Variants in NTAQ1 observed in about 807,000 individuals in gnomAD.
NTAQ1 encodes the protein N-terminal glutamine amidase 1.
Under a neutral mutation model 28.2 loss-of-function variants are expected in NTAQ1, and 21 were observed. The observed-to-expected ratio is 0.74, with a 90% confidence interval of 0.53 to 1.07. NTAQ1 has a LOEUF of 1.07. NTAQ1 is among the 50% of genes least tolerant of loss of function. NTAQ1 has a pLI of 0.00. For synonymous variants in NTAQ1, 105 were observed against 90.0 expected (o/e 1.17, Z -0.94); for missense variants, 264 against 256.6 (o/e 1.03, Z -0.20).
At chr8:123,433,164 G>A (rs1362223202) in intron 3 of NTAQ1, among the ~76,000 whole-genome samples, 2 of 152,214 alleles carry the variant, frequency 1.3e-5, no homozygotes, top group Non-Finnish European at 2.9e-5. Flanking sequence ...CGCTGCTCAA[G>A]CCTGCATTCC....
chr8:123,418,161 G>A (rs544216277), intron 1 of NTAQ1, among the ~76,000 whole-genome samples: 2 of 152,232 alleles, frequency 1.3e-5, no homozygotes, highest in African/African-American at 2.4e-5. Flanking sequence ...TGAGAGAAAA[G>A]CAGATAAGGC....
At chr8:123,448,552 G>T (rs183876645), downstream of NTAQ1, among the ~76,000 whole-genome samples, 1 of 152,346 alleles carries the variant, frequency 6.6e-6, no homozygotes, top group East Asian at 1.9e-4. Flanking sequence ...CCGGGAGGTG[G>T]AGGTTGCAGT....
At chr8:123,419,745 T>TCCCTCTCTCCCC (rs1813554148) in intron 1 of NTAQ1, among the ~76,000 whole-genome samples, 2 of 32,246 alleles carry the variant, frequency 6.2e-5, no homozygotes, top group Admixed American at 5.9e-4. Flanking sequence ...CCTCCCTCCC[T>TCCCTCTCTCCCC]CCCTCCCTCC....
At chr8:123,455,769 C>T (rs917896688) in intron 6 of NTAQ1, among the ~76,000 whole-genome samples, 7 of 152,082 alleles carry the variant, frequency 4.6e-5, no homozygotes, top group African/African-American at 9.7e-5. Flanking sequence ...CTTCCCCACC[C>T]GGAAGTCTAC....
At position 123,437,451 on chromosome 8, in the gene NTAQ1, C is replaced by T. The variant is rs1006465592; in HGVS notation, c.508+117C>T. On this transcript the variant is annotated intron_variant, in intron 5 of 5. Transcript: ENST00000287387. ...TTTGAATAAAACTCCATGAGTGAAT[C>T]CCAGCACTTTGGGAGGCCGAGGTGG... 1.6e-5 allele frequency: 23 copies of T among 1,448,008 alleles called. No individual in the cohort carries two copies. The African/African-American group carries it at 3.1e-4, about 20-fold the overall frequency. The allele number at this position is 1,448,008 out of a possible 1,614,324, so 89.7% of individuals were successfully genotyped here.
intron 6 of NTAQ1, among the ~76,000 whole-genome samples, chr8:123,458,652 C>T (rs1191960445): frequency 2.0e-5 from 3 of 150,146 alleles, no homozygotes; most frequent in South Asian, 2.1e-4. Flanking sequence ...ATCGGAGTCT[C>T]GTTCTGTTGC....
intron 1 of NTAQ1, among the ~76,000 whole-genome samples, chr8:123,422,922 T>C (rs1813796029): frequency 6.6e-6 from 1 of 152,204 alleles, no homozygotes; most frequent in Non-Finnish European, 1.5e-5. Flanking sequence ...TTGCTTGTTA[T>C]TGGACTTTGT....
chr8:123,422,389 C>T (rs1287972290), intron 1 of NTAQ1, among the ~76,000 whole-genome samples: 4 of 151,682 alleles, frequency 2.6e-5, no homozygotes, highest in East Asian at 1.9e-4. Flanking sequence ...AATCCTCTCA[C>T]GTCAGCCTCC....
chr8:123,475,283 C>G, the NTAQ1 span, among the ~76,000 whole-genome samples: 2 of 152,108 alleles, frequency 1.3e-5, no homozygotes, highest in African/African-American at 4.8e-5. Context: ...ACTTTTTAAT[C>G]TAGGCTCATC....
chr8:123,433,925 AT>A (rs35940452), intron 3 of NTAQ1, among the ~76,000 whole-genome samples: 52,342 of 148,842 alleles, frequency 0.35, 9,174 homozygotes, highest in South Asian at 0.44. Flanking sequence ...TTTTTTTGTG[AT>A]TTTTTTTTTT....
At chr8:123,464,388 G>T (rs973127847) in intron 6 of NTAQ1, among the ~76,000 whole-genome samples, 4 of 152,182 alleles carry the variant, frequency 2.6e-5, no homozygotes, top group African/African-American at 9.7e-5. Context: ...ATCCATAACA[G>T]CAGGGAAATG....
chr8:123,464,625 T>A (rs963106532), intron 6 of NTAQ1, among the ~76,000 whole-genome samples: 1 of 152,184 alleles, frequency 6.6e-6, no homozygotes, highest in Admixed American at 6.5e-5. Flanking sequence ...ACTTACATAT[T>A]TCCTATGGTT....
intron 6 of NTAQ1, among the ~76,000 whole-genome samples, chr8:123,461,876 G>A (rs1815833273): frequency 6.6e-6 from 1 of 152,174 alleles, no homozygotes; most frequent in African/African-American, 2.4e-5. Flanking sequence ...AGAGTGACTT[G>A]CTTTGGAGGA....
At position 123,434,319 on chromosome 8, in the gene NTAQ1, T is replaced by C. The variant is rs140602360; in HGVS notation, c.235-2134T>C. On this transcript the variant is annotated intron_variant, in intron 3 of 5. Coordinates refer to ENST00000287387, the MANE Select transcript of NTAQ1 (RefSeq NM_018024.3). ...ACAGTCTTTCACATAGAATAGATAA[T>C]GTGTGGTTCAAAAAAACTGATATGG... Among the ~76,000 whole-genome samples the C allele has an allele frequency of 3.1e-3, 466 of 152,194 alleles. 4 individuals are homozygous for C. The highest frequency in any genetic ancestry group is 0.011 in the African/African-American group (444 of 41,542).
intron 1 of NTAQ1, among the ~76,000 whole-genome samples, chr8:123,425,634 G>T (rs2130192330): frequency 6.6e-6 from 1 of 152,278 alleles, no homozygotes; most frequent in East Asian, 1.9e-4. Context: ...TGAACTGAAA[G>T]AGTGTCTACT....
In NTAQ1 at chr8:123,457,054, T is replaced by A. The variant is rs552838062; in HGVS notation, c.373-10025T>A. Among the ~76,000 whole-genome samples, 170 of 152,262 alleles carry A rather than the reference T, an allele frequency of 1.1e-3. 1 individual carries two copies. The highest frequency in any genetic ancestry group is 2.0e-3 in the Non-Finnish European group (137 of 68,016). Reference sequence around the variant, plus strand: ...TGATGGCTTAAAATTTTTTAAAAAATCTATCTATACATATAGATATATATA... The same window carrying A: ...TGATGGCTTAAAATTTTTTAAAAAAACTATCTATACATATAGATATATATA... On this transcript the variant is annotated intron_variant, in intron 6 of 6. Transcript: ENST00000650311.
downstream of NTAQ1, among the ~76,000 whole-genome samples, chr8:123,471,159 G>T (rs1816037564): frequency 6.6e-6 from 1 of 151,694 alleles, no homozygotes; most frequent in Non-Finnish European, 1.5e-5. Context: ...TCGAACTGCT[G>T]GGCTCAATCA....
At chr8:123,462,383 A>G (rs939910280) in intron 6 of NTAQ1, among the ~76,000 whole-genome samples, 1 of 152,088 alleles carries the variant, frequency 6.6e-6, no homozygotes, top group Non-Finnish European at 1.5e-5. Flanking sequence ...AGTTATTATA[A>G]CTTTGTAGAA....
chr8:123,449,971 ATAT>A (rs1164880418), downstream of NTAQ1, among the ~76,000 whole-genome samples: 1,682 of 69,996 alleles, frequency 0.024, 577 homozygotes, highest in East Asian at 0.23. Flanking sequence ...ATATATATAT[ATAT>A]GCTGGATAAA....
Sources: gnomAD v4.1 joint callset for allele counts (sites outside exome capture counted in the v4.1 genomes callset) on GRCh38, gnomAD v4.1.1 for gene constraint, MANE v1.5 for transcripts, NCBI Gene and HGNC (gene_info 2026-07-23, HGNC 2026-07-21) for gene names.